CELF2: variants seen among roughly 807,000 people sequenced by gnomAD.
The protein encoded by CELF2 is CUG triplet repeat RNA-binding protein 2.
CELF2 carries 8 observed loss-of-function variants against 62.6 expected under a neutral mutation model. That is an observed-to-expected ratio of 0.13 (90% confidence interval 0.07 to 0.23). The LOEUF (loss-of-function observed/expected upper bound fraction) is 0.23, where lower values mean the gene tolerates loss of function less well. Ranked by LOEUF, CELF2 falls within the 10% of genes least tolerant of loss-of-function variation. The pLI is 1.00. For missense variants in CELF2, 333 were observed against 671.0 expected (o/e 0.50, Z 5.56); for synonymous variants, 258 against 250.0 (o/e 1.03, Z -0.30).
chr10:10,894,645 A>G (rs1177500008), intron 1 of CELF2, among the ~76,000 whole-genome samples: 1 of 151,152 alleles, frequency 6.6e-6, no homozygotes. Flanking sequence ...AGAAAGAAGG[A>G]TCCACTATGA....
At chr10:10,650,415 T>G in the CELF2 span, among the ~76,000 whole-genome samples, 3 of 152,236 alleles carry the variant, frequency 2.0e-5, no homozygotes, top group African/African-American at 7.2e-5. Context: ...ATATTTTCCA[T>G]AATTTTTCAT....
At position 11,207,719 on chromosome 10, in the gene CELF2, C is replaced by T. The variant is rs2060784224; in HGVS notation, c.272-9706C>T. Among the ~76,000 whole-genome samples, 1 of 152,204 alleles carries T rather than the reference C, an allele frequency of 6.6e-6. No homozygotes were observed. Among genetic ancestry groups the T allele is most frequent in the African/African-American group, 2.4e-5 (1 of 41,448 alleles). ...GCCCGATGGCAGCATCGCCCGTCAG[C>T]TTCCTAGGCAGTGGCCAGATGGTGA... On this transcript the variant is annotated intron_variant, in intron 2 of 12. Coordinates refer to ENST00000633077, the MANE Select transcript of CELF2 (RefSeq NM_001326342.2). The surrounding 1 kb of genome is among the most constrained non-coding windows in gnomAD (Gnocchi z 4.1).
chr10:11,056,301 C>T (rs1457025037), intron 1 of CELF2, among the ~76,000 whole-genome samples: 1 of 152,214 alleles, frequency 6.6e-6, no homozygotes, highest in African/African-American at 2.4e-5. Flanking sequence ...GTTGTTTCTG[C>T]AGGAAATGAG....
the CELF2 span, chr10:10,792,324 T>C: frequency 2.5e-6 from 1 of 398,032 alleles, no homozygotes; most frequent in Non-Finnish European, 4.4e-6. Flanking sequence ...TTAGGTCTGC[T>C]GGAGTTTTTG....
chr10:10,859,589 T>C (rs925840833), intron 1 of CELF2, among the ~76,000 whole-genome samples: 1 of 152,188 alleles, frequency 6.6e-6, no homozygotes, highest in Non-Finnish European at 1.5e-5. Flanking sequence ...TGTTGATCTG[T>C]CATCCTATTA....
chr10:10,959,119 G>A (rs969874275), intron 2 of CELF2, among the ~76,000 whole-genome samples: 14 of 152,188 alleles, frequency 9.2e-5, no homozygotes, highest in African/African-American at 2.4e-4. Flanking sequence ...TTAGCCTAGC[G>A]TCGTGGTAGC....
chr10:11,327,443 T>C (rs60620880), intron 12 of CELF2, among the ~76,000 whole-genome samples: 7,110 of 152,246 alleles, frequency 0.047, 521 homozygotes, highest in African/African-American at 0.16. Context: ...AGCAGACAAT[T>C]CTTGAGCATG....
chr10:10,587,334 C>T, the CELF2 span, among the ~76,000 whole-genome samples: 47,715 of 151,930 alleles, frequency 0.31, 7,884 homozygotes, highest in East Asian at 0.6. Context: ...ACTCATTTCA[C>T]TCCTATATAT....
chr10:10,506,729 T>A, the CELF2 span, among the ~76,000 whole-genome samples: 49 of 121,296 alleles, frequency 4.0e-4, no homozygotes, highest in Admixed American at 1.3e-3. Flanking sequence ...CAGGCTGGAG[T>A]GCAGAGGTGC....
chr10:10,666,246 G>C, the CELF2 span, among the ~76,000 whole-genome samples: 1 of 152,154 alleles, frequency 6.6e-6, no homozygotes, highest in East Asian at 1.9e-4. Flanking sequence ...TGAATGTGCA[G>C]CATTTGTCAG....
intron 1 of CELF2, among the ~76,000 whole-genome samples, chr10:10,838,290 G>A (rs892350034): frequency 4.6e-5 from 7 of 152,148 alleles, no homozygotes; most frequent in African/African-American, 1.4e-4. Context: ...CCACTATATC[G>A]AGTGTACATG....
the CELF2 span, among the ~76,000 whole-genome samples, chr10:10,538,475 G>A: frequency 4.4e-3 from 675 of 152,180 alleles, 3 homozygotes; most frequent in Non-Finnish European, 6.7e-3. Flanking sequence ...TTGATCTCAA[G>A]TGTCTCTGGT....
chr10:10,552,232 C>T, the CELF2 span, among the ~76,000 whole-genome samples: 3 of 152,126 alleles, frequency 2.0e-5, no homozygotes, highest in Non-Finnish European at 4.4e-5. Context: ...GGTTGAGGAA[C>T]AGTTAGGCTT....
intron 2 of CELF2, among the ~76,000 whole-genome samples, chr10:11,200,007 G>A (rs1401672082): frequency 6.6e-6 from 1 of 152,100 alleles, no homozygotes; most frequent in African/African-American, 2.4e-5. Context: ...TAGATTTCAG[G>A]GCAGATCTTC....
chr10:11,168,863 C>T (rs575191349), intron 2 of CELF2: 1 of 152,288 alleles, frequency 6.6e-6, no homozygotes, highest in African/African-American at 2.4e-5. Context: ...CATGTATTGA[C>T]CAAGCAGGCT....
At chr10:10,499,880 T>TG in the CELF2 span, among the ~76,000 whole-genome samples, 1 of 152,052 alleles carries the variant, frequency 6.6e-6, no homozygotes, top group Non-Finnish European at 1.5e-5. Context: ...TCTTGTCTTG[T>TG]GGGGGAAAAA....
intron 3 of CELF2, among the ~76,000 whole-genome samples, chr10:11,234,382 TA>T (rs956374781): frequency 6.6e-6 from 1 of 151,980 alleles, no homozygotes; most frequent in South Asian, 2.1e-4. Flanking sequence ...TCTTTCAACA[TA>T]AAAAAAATTC....
the CELF2 span, among the ~76,000 whole-genome samples, chr10:10,793,111 C>G: frequency 6.6e-6 from 1 of 152,198 alleles, no homozygotes; most frequent in Non-Finnish European, 1.5e-5. Context: ...GGTTTTGTAG[C>G]TGTCTCTTTA....
intron 2 of CELF2, among the ~76,000 whole-genome samples, chr10:11,183,275 C>G (rs1003672648): frequency 2.0e-5 from 3 of 152,194 alleles, no homozygotes; most frequent in Non-Finnish European, 2.9e-5. Flanking sequence ...ATCCCCGTCA[C>G]TCATTGATTC....
Sources: allele counts gnomAD v4.1 joint callset (sites outside exome capture counted in the v4.1 genomes callset), GRCh38; gene constraint gnomAD v4.1.1; non-coding constraint Gnocchi (gnomAD v3.1); transcripts MANE v1.5; gene names NCBI Gene and HGNC (gene_info 2026-07-23, HGNC 2026-07-21).